BSN: variants seen among roughly 807,000 people sequenced by gnomAD.
The protein encoded by BSN is protein bassoon.
Under a neutral mutation model 264.8 loss-of-function variants are expected in BSN, and 57 were observed. The observed-to-expected ratio is 0.22, with a 90% CI of 0.17 to 0.27. The LOEUF (loss-of-function observed/expected upper bound fraction) is 0.27, where lower values mean the gene tolerates loss of function less well. Ranked by LOEUF, BSN falls within the 10% of genes least tolerant of loss-of-function variation. The pLI is 1.00. For synonymous variants in BSN, 2,059 were observed against 2,137.3 expected (o/e 0.96, Z 1.01); for missense variants, 4,615 against 5,232.5 (o/e 0.88, Z 3.64).
intron 2 of BSN, among the ~76,000 whole-genome samples, chr3:49,628,163 G>T (rs550178047): frequency 6.6e-6 from 1 of 152,350 alleles, no homozygotes; most frequent in Admixed American, 6.5e-5. Flanking sequence ...TTTGAAATGT[G>T]ACCGCAGAAA....
At chr3:49,616,913 CTAA>C (rs2052263604) in intron 1 of BSN, among the ~76,000 whole-genome samples, 1 of 152,204 alleles carries the variant, frequency 6.6e-6, no homozygotes, top group African/African-American at 2.4e-5. Flanking sequence ...CCACAGGGTA[CTAA>C]GGATTGGTGG....
intron 1 of BSN, among the ~76,000 whole-genome samples, chr3:49,571,709 A>G (rs1246115063): frequency 6.6e-6 from 1 of 152,132 alleles, no homozygotes. Flanking sequence ...CATGGGGGAT[A>G]ACTCTGTAAA....
chr3:49,616,769 T>C (rs888433527), intron 1 of BSN, among the ~76,000 whole-genome samples: 3 of 152,220 alleles, frequency 2.0e-5, no homozygotes, highest in Non-Finnish European at 4.4e-5. Context: ...ACGTCACTGG[T>C]GTCTGAAGCA....
Position 49,554,662 on chromosome 3 carries a change from C to T in BSN, c.60C>T (p.Gly20=), listed in dbSNP as rs2051649160. Residue 20 remains glycine (G), a synonymous_variant, in exon 1 of 12, where the codon GGC becomes GGT. Coordinates refer to ENST00000296452, the MANE Select transcript of BSN (RefSeq NM_003458.4). ...GAGDGPLPPG[G]AGPGPGPGPG... ...GCGACGGGCCGCTGCCGCCCGGCGG[C>T]GCCGGCCCCGGCCCGGGCCCCGGCC... The T allele has an allele frequency of 9.1e-6, 9 of 991,084 alleles. No homozygotes were observed. The highest frequency in any genetic ancestry group is 1.8e-5 in the African/African-American group (1 of 56,772). The allele number at this position is 991,084 out of a possible 1,614,324, so 61.4% of individuals were successfully genotyped here.
In BSN at chr3:49,657,292, G is replaced by C; in HGVS notation, c.7736G>C (p.Arg2579Thr). 6.2e-7 allele frequency: 1 copy of C among 1,613,394 alleles called. No homozygotes were observed. The highest frequency in any genetic ancestry group is 8.5e-7 in the Non-Finnish European group (1 of 1,179,888). The change falls in exon 5 of 12, where the codon AGG becomes ACG. Residue 2579 changes from arginine (R) to threonine (T), a missense_variant. This residue lies in a region of BSN where 3,415 missense variants were observed against 3,866.4 expected (regional missense o/e 0.88). Coordinates refer to ENST00000296452, the MANE Select transcript of BSN (RefSeq NM_003458.4). ...ESGTEPCVVR[R>T]IADSSVQTDD... ...GGGACTGAGCCCTGTGTGGTCAGGAGGATTGCCGACAGCAGCGTGCAGACA... is the reference window on the plus strand; with the variant it reads ...GGGACTGAGCCCTGTGTGGTCAGGACGATTGCCGACAGCAGCGTGCAGACA...
intron 2 of BSN, chr3:49,641,506 G>A (rs946849309): frequency 1.3e-5 from 2 of 152,160 alleles, no homozygotes; most frequent in African/African-American, 2.4e-5. Context: ...CATGGATAGC[G>A]GCACATGTCT....
chr3:49,653,000 G>C lies in BSN; in HGVS notation c.3444G>C (p.Lys1148Asn), dbSNP rs1353875207. 1 of 1,613,382 alleles carries C rather than the reference G, an allele frequency of 6.2e-7. No homozygotes were observed. The highest frequency in any genetic ancestry group is 8.5e-7 in the Non-Finnish European group (1 of 1,179,926). ...ATGGTGGCCCTAGCCGGCTTTACAA[G>C]TCAGGCAGTGAGTACAACCTGCCCA... is the stretch of plus-strand genomic sequence containing the variant. ...ALDGGPSRLY[K>N]SGSEYNLPTF... The change falls in exon 5 of 12, where the codon AAG becomes AAC. Residue 1148 changes from lysine to asparagine, a missense_variant. Around this residue, in one of 3 missense-constraint regions of BSN, gnomAD observed 3,415 missense variants for 3,866.4 expected, o/e 0.88. Coordinates refer to ENST00000296452, the MANE Select transcript of BSN (RefSeq NM_003458.4).
At chr3:49,595,031 C>T (rs910955438) in intron 1 of BSN, among the ~76,000 whole-genome samples, 1 of 151,814 alleles carries the variant, frequency 6.6e-6, no homozygotes. Context: ...GCTAGGACCA[C>T]AGGCGTGCAC....
At chr3:49,630,221 G>A (rs1164005317) in intron 2 of BSN, among the ~76,000 whole-genome samples, 1 of 152,234 alleles carries the variant, frequency 6.6e-6, no homozygotes, top group African/African-American at 2.4e-5. Flanking sequence ...CAGGACATGG[G>A]ACCAGCAGTG....
intron 1 of BSN, among the ~76,000 whole-genome samples, chr3:49,608,158 A>G (rs2052173625): frequency 6.6e-6 from 1 of 152,202 alleles, no homozygotes; most frequent in South Asian, 2.1e-4. Flanking sequence ...CCTGACTCTC[A>G]CGGGCTGAGA....
intron 1 of BSN, among the ~76,000 whole-genome samples, chr3:49,574,422 G>A (rs988346636): frequency 3.9e-5 from 6 of 152,094 alleles, no homozygotes; most frequent in African/African-American, 9.7e-5. Context: ...AGGGGTGGGG[G>A]CAGGAAAGCC....
chr3:49,618,849 C>T (rs554212574), intron 1 of BSN, among the ~76,000 whole-genome samples: 2 of 152,326 alleles, frequency 1.3e-5, no homozygotes, highest in Admixed American at 6.5e-5. Context: ...ACATCTGTCT[C>T]TACTCTAGAC....
At chr3:49,579,156 T>C (rs1575427931) in intron 1 of BSN, among the ~76,000 whole-genome samples, 1 of 143,686 alleles carries the variant, frequency 7.0e-6, no homozygotes, top group African/African-American at 2.5e-5. Flanking sequence ...CCTGGCTAAT[T>C]TTTTTTTTTT....
intron 2 of BSN, among the ~76,000 whole-genome samples, chr3:49,639,931 G>T (rs1575444576): frequency 6.6e-6 from 1 of 152,230 alleles, no homozygotes. Context: ...CCTCTTCTTG[G>T]CTGCTGCCCT....
chr3:49,658,006 T>C lies in BSN; in HGVS notation c.8450T>C (p.Leu2817Pro), dbSNP rs1344546382. ...ACCTCCTTTGCTTCCAGTGAGAGGC[T>C]GAACAAAGCTCACGTGAGTCCCCAG... ...LDTSFASSERLNKAHVSPQKH... is the reference protein window; with the variant it reads ...LDTSFASSERPNKAHVSPQKH... The change falls in exon 5 of 12, where the codon CTG (leucine) becomes CCG (proline). Residue 2817 changes from leucine (L) to proline (P), a missense_variant. By Grantham distance (98) the Leu-to-Pro change is moderately conservative. Around this residue, in one of 3 missense-constraint regions of BSN, gnomAD observed 3,415 missense variants for 3,866.4 expected, o/e 0.88. Transcript: ENST00000296452. The C allele has an allele frequency of 1.2e-6, 2 of 1,613,002 alleles. No homozygotes were observed. The highest frequency in any genetic ancestry group is 1.7e-6 in the Non-Finnish European group (2 of 1,179,550).
chr3:49,612,434 C>G (rs2052216003), intron 1 of BSN, among the ~76,000 whole-genome samples: 1 of 152,204 alleles, frequency 6.6e-6, no homozygotes, highest in Non-Finnish European at 1.5e-5. Context: ...CACGCCTGGC[C>G]AAATAATGAT....
Position 49,660,462 on chromosome 3 carries a change from T to C in BSN, c.8641-24T>C. The C allele has an allele frequency of 6.6e-7, 1 of 1,522,874 alleles. No individual in the cohort carries two copies. The highest frequency in any genetic ancestry group is 8.8e-7 in the Non-Finnish European group (1 of 1,136,148). 94.3% of individuals were successfully genotyped at this position (1,522,874 alleles called of 1,614,324 possible). On this transcript the variant is annotated intron_variant, in intron 5 of 11. Coordinates refer to ENST00000296452, the MANE Select transcript of BSN (RefSeq NM_003458.4). The surrounding 1 kb of genome is among the most constrained non-coding windows in gnomAD (Gnocchi z 7.1). The stretch of plus-strand genomic sequence containing the variant: ...GTCACCACACCTTGGGTCTCAGTGC[T>C]GCCCACCCTTCCCTCTGTCTCAGGT...
chr3:49,613,303 CGAGAGA>C (rs752108805), intron 1 of BSN, among the ~76,000 whole-genome samples: 634 of 47,338 alleles, frequency 0.013, 12 homozygotes, highest in African/African-American at 0.031. Context: ...ACACACAGAG[CGAGAGA>C]GAGAGAGAGA....
At chr3:49,562,883 C>T (rs1460663017) in intron 1 of BSN, among the ~76,000 whole-genome samples, 1 of 152,134 alleles carries the variant, frequency 6.6e-6, no homozygotes, top group Admixed American at 6.5e-5. Context: ...TTAATCAATC[C>T]TGGCATTGCC....
Sources: allele counts gnomAD v4.1 joint callset (sites outside exome capture counted in the v4.1 genomes callset), GRCh38; gene constraint gnomAD v4.1.1; regional missense constraint gnomAD v4.1.1; non-coding constraint Gnocchi (gnomAD v3.1); transcripts MANE v1.5; gene names NCBI Gene and HGNC (gene_info 2026-07-23, HGNC 2026-07-21).